The following FAF1 variants were observed in gnomAD, a reference collection of about 807,000 sequenced individuals.
The protein encoded by FAF1 is Fas associated factor 1.
Under a neutral mutation model 92.5 loss-of-function variants are expected in FAF1, and 25 were observed. The ratio of observed to expected loss-of-function variants is 0.27; its 90% CI spans 0.20 to 0.38. The LOEUF is 0.38. Among genes scored for constraint, FAF1 ranks in the 10% least tolerant of loss-of-function variants. The probability of loss-of-function intolerance (pLI) is 1.00; values close to 1 mark genes in which losing one functional copy is unlikely to be tolerated. For synonymous variants in FAF1, 234 were observed against 273.2 expected, an observed-to-expected ratio of 0.86 and a Z score of 1.42; for missense variants, 636 against 793.3, an observed-to-expected ratio of 0.80 and a Z score of 2.38.
At chr1:50,820,340 T>TG (rs1255750435) in intron 2 of FAF1, among the ~76,000 whole-genome samples, 1 of 152,172 alleles carries the variant, frequency 6.6e-6, no homozygotes, top group Admixed American at 6.5e-5. Context: ...CCAGGCTTAA[T>TG]GGGGTATAAC....
At chr1:50,876,915 G>A (rs535378564) in intron 1 of FAF1, among the ~76,000 whole-genome samples, 2 of 152,292 alleles carry the variant, frequency 1.3e-5, no homozygotes, top group South Asian at 4.1e-4. Flanking sequence ...AAGTGAAGTA[G>A]TATTGAATTA....
chr1:50,796,050 C>A (rs1257279665), intron 3 of FAF1, among the ~76,000 whole-genome samples: 1 of 150,936 alleles, frequency 6.6e-6, no homozygotes, highest in Non-Finnish European at 1.5e-5. Flanking sequence ...GGTAAAAAAA[C>A]AACAACAACA....
intron 1 of FAF1, among the ~76,000 whole-genome samples, chr1:50,885,295 TTCTCTC>T (rs147647466): frequency 1.5e-5 from 2 of 137,324 alleles, no homozygotes; most frequent in East Asian, 2.1e-4. Flanking sequence ...CCGTGTCTCT[TTCTCTC>T]TCTCTCTCTC....
intron 1 of FAF1, among the ~76,000 whole-genome samples, chr1:50,916,236 C>T (rs1644917760): frequency 6.6e-6 from 1 of 152,196 alleles, no homozygotes; most frequent in Non-Finnish European, 1.5e-5. Flanking sequence ...TGATATTATT[C>T]AGTCTTGATA....
At chr1:50,951,406 G>T (rs1261896450) in intron 1 of FAF1, among the ~76,000 whole-genome samples, 1 of 152,126 alleles carries the variant, frequency 6.6e-6, no homozygotes, top group Non-Finnish European at 1.5e-5. Flanking sequence ...AAAAATAACA[G>T]CTAAAATTTA....
chr1:50,740,805 A>C (rs1659351850), intron 5 of FAF1, among the ~76,000 whole-genome samples: 1 of 152,110 alleles, frequency 6.6e-6, no homozygotes, highest in African/African-American at 2.4e-5. Context: ...GAAATTGATG[A>C]GTTATCTCTA....
intron 3 of FAF1, among the ~76,000 whole-genome samples, chr1:50,798,827 C>T (rs1436752087): frequency 2.6e-5 from 4 of 152,188 alleles, no homozygotes; most frequent in Non-Finnish European, 5.9e-5. Context: ...GGAAGACAGA[C>T]ATTATGTACA....
At chr1:50,891,671 C>T (rs60329786) in intron 1 of FAF1, among the ~76,000 whole-genome samples, 10,081 of 152,252 alleles carry the variant, frequency 0.066, 408 homozygotes, top group East Asian at 0.094. Context: ...TGCAGAACAG[C>T]GAATACTGCT....
At chr1:50,721,597 G>A (rs993314609) in intron 6 of FAF1, among the ~76,000 whole-genome samples, 4 of 151,920 alleles carry the variant, frequency 2.6e-5, no homozygotes, top group African/African-American at 9.7e-5. Context: ...GCCACTTTAA[G>A]GTCTCATTTT....
chr1:50,744,019 C>T (rs374461640), intron 5 of FAF1, among the ~76,000 whole-genome samples: 5 of 151,838 alleles, frequency 3.3e-5, no homozygotes, highest in East Asian at 1.9e-4. Context: ...TGCAGTGAGG[C>T]GAGATCATGC....
chr1:50,813,810 A>T (rs535064031), intron 2 of FAF1, among the ~76,000 whole-genome samples: 9 of 144,080 alleles, frequency 6.2e-5, no homozygotes, highest in African/African-American at 1.8e-4. Context: ...AGCTTCATTT[A>T]AAAAAAAAAA....
intron 6 of FAF1, among the ~76,000 whole-genome samples, chr1:50,720,075 C>T (rs1298829013): frequency 1.3e-5 from 2 of 151,738 alleles, no homozygotes; most frequent in African/African-American, 4.8e-5. Context: ...AATCTTGACT[C>T]ACTGCAATCT....
chr1:50,533,975 G>A (rs904953437), intron 15 of FAF1, among the ~76,000 whole-genome samples: 2 of 152,076 alleles, frequency 1.3e-5, no homozygotes, highest in African/African-American at 2.4e-5. Context: ...GAAAAGTATA[G>A]ATAATCATAC....
intron 9 of FAF1, among the ~76,000 whole-genome samples, chr1:50,595,342 C>T (rs1278741668): frequency 6.6e-6 from 1 of 152,044 alleles, no homozygotes; most frequent in Non-Finnish European, 1.5e-5. Context: ...GTGTAAGTCA[C>T]TGTACCTGGC....
At chr1:50,833,393 T>C (rs1424667896) in intron 2 of FAF1, among the ~76,000 whole-genome samples, 1 of 150,714 alleles carries the variant, frequency 6.6e-6, no homozygotes, top group East Asian at 1.9e-4. Context: ...CACAGGGTGG[T>C]AAGGTGTGTG....
At chr1:50,908,299 G>T (rs1033458749) in intron 1 of FAF1, among the ~76,000 whole-genome samples, 1 of 152,170 alleles carries the variant, frequency 6.6e-6, no homozygotes, top group African/African-American at 2.4e-5. Flanking sequence ...CAACTATGTG[G>T]TCAATTTTGG....
intron 7 of FAF1, among the ~76,000 whole-genome samples, chr1:50,687,492 G>A (rs1443682950): frequency 6.6e-6 from 1 of 152,134 alleles, no homozygotes; most frequent in Non-Finnish European, 1.5e-5. Flanking sequence ...GCTCATGCCT[G>A]TAATTCCAGC....
chr1:50,623,623 G>A (rs543986870), intron 8 of FAF1, among the ~76,000 whole-genome samples: 24 of 151,542 alleles, frequency 1.6e-4, no homozygotes, highest in African/African-American at 5.6e-4. Context: ...TTTGGCTCAG[G>A]TTTAAAAAAA....
At chr1:50,627,266 G>T (rs1378903333) in intron 8 of FAF1, among the ~76,000 whole-genome samples, 1 of 152,116 alleles carries the variant, frequency 6.6e-6, no homozygotes, top group Non-Finnish European at 1.5e-5. Context: ...GAGTCTTAAA[G>T]AACTCCTATA....
Sources: gnomAD v4.1 joint callset for allele counts (sites outside exome capture counted in the v4.1 genomes callset) on GRCh38, gnomAD v4.1.1 for gene constraint, MANE v1.5 for transcripts, NCBI Gene and HGNC (gene_info 2026-07-23, HGNC 2026-07-21) for gene names.